The following DGKB variants were observed in gnomAD, a reference collection of about 807,000 sequenced individuals.
DGKB encodes diacylglycerol kinase beta.
A neutral mutation model predicts 114.3 loss-of-function variants in DGKB; 67 were observed. The observed-to-expected ratio is 0.59, with a 90% CI of 0.48 to 0.72. The LOEUF is 0.72. DGKB is among the 30% of genes least tolerant of loss of function. The pLI, the probability that DGKB is intolerant of heterozygous loss-of-function variation, is 0.00. For missense variants in DGKB, 907 were observed against 975.2 expected (o/e 0.93, Z 0.93); for synonymous variants, 398 against 323.1 (o/e 1.23, Z -2.49).
At chr7:14,963,086 G>C (rs1786954826) in intron 1 of DGKB, among the ~76,000 whole-genome samples, 1 of 151,992 alleles carries the variant, frequency 6.6e-6, no homozygotes, top group Non-Finnish European at 1.5e-5. Context: ...CAGTTTTCAG[G>C]CTCTCCCCTC....
chr7:14,429,132 C>A (rs936289704), intron 21 of DGKB, among the ~76,000 whole-genome samples: 4 of 152,028 alleles, frequency 2.6e-5, no homozygotes, highest in African/African-American at 9.7e-5. Flanking sequence ...ATTTTTGTTA[C>A]TGAGAAAATA....
At chr7:14,279,266 G>C (rs28841377) in intron 23 of DGKB, among the ~76,000 whole-genome samples, 18,398 of 152,074 alleles carry the variant, frequency 0.12, 3,195 homozygotes, top group African/African-American at 0.38. Flanking sequence ...TAGCACAGCA[G>C]TCTGAGATCA....
chr7:14,809,061 G>A (rs1843100195), intron 2 of DGKB, among the ~76,000 whole-genome samples: 3 of 152,196 alleles, frequency 2.0e-5, no homozygotes, highest in South Asian at 4.1e-4. Flanking sequence ...ATGAGAAAGT[G>A]ATAACTTTAA....
At chr7:14,662,221 A>T (rs554992741) in intron 13 of DGKB, among the ~76,000 whole-genome samples, 354 of 151,954 alleles carry the variant, frequency 2.3e-3, no homozygotes, top group African/African-American at 7.6e-3. Context: ...AAAAAAATAA[A>T]AATAAAAATA....
chr7:14,540,925 T>C (rs753918797), intron 20 of DGKB, among the ~76,000 whole-genome samples: 2 of 152,144 alleles, frequency 1.3e-5, no homozygotes, highest in South Asian at 2.1e-4. Flanking sequence ...ATTTATAGTA[T>C]GGTAGGATAT....
chr7:14,296,241 A>T (rs1802539619), intron 23 of DGKB, among the ~76,000 whole-genome samples: 2 of 151,882 alleles, frequency 1.3e-5, no homozygotes, highest in Admixed American at 1.3e-4. Flanking sequence ...CATGTTGGCC[A>T]GGATGGTCTC....
Position 14,380,052 on chromosome 7 carries a change from A to G in DGKB, c.1836-34661T>C, listed in dbSNP as rs374142995. 1.1e-3 allele frequency among the ~76,000 whole-genome samples: 166 copies of G among 152,292 alleles called. 5 individuals carry two copies. In the South Asian group the frequency reaches 0.033, roughly 31 times the overall value. ...AAGTGCTGGTGGAAACTCTATACTA[A>G]TAAGTGCTTGGCAATTATAGTTATG... On this transcript the variant is annotated intron_variant, in intron 21 of 25. Transcript: ENST00000402815.
intron 21 of DGKB, among the ~76,000 whole-genome samples, chr7:14,463,150 C>T (rs1833335944): frequency 6.6e-6 from 1 of 151,936 alleles, no homozygotes; most frequent in South Asian, 2.1e-4. Flanking sequence ...GAACAGAAAA[C>T]CAAACACCGC....
At chr7:14,849,633 G>C (rs936435916) in intron 1 of DGKB, among the ~76,000 whole-genome samples, 1 of 152,136 alleles carries the variant, frequency 6.6e-6, no homozygotes, top group Admixed American at 6.5e-5. Flanking sequence ...ACTGAGACAG[G>C]AGTCATTTCC....
chr7:14,931,507 A>G (rs1472701509), intron 1 of DGKB, among the ~76,000 whole-genome samples: 1 of 152,114 alleles, frequency 6.6e-6, no homozygotes, highest in Non-Finnish European at 1.5e-5. Context: ...TGGTTTTGGT[A>G]TCTAGATAGG....
In DGKB at chr7:14,176,586, T is replaced by A. The variant is rs188504075; in HGVS notation, c.2304+253A>T. ...TAGTTTATAATTGATCTATGGTTTA[T>A]AATTGATCTATTTAAAAGATCTATT... is the stretch of plus-strand genomic sequence containing the variant. On this transcript the variant is annotated intron_variant, in intron 25 of 25. Coordinates refer to ENST00000402815, the MANE Select transcript of DGKB (RefSeq NM_001350709.2). 3.3e-4 allele frequency: 386 copies of A among 1,174,234 alleles called. No homozygotes were observed. In the African/African-American group the frequency reaches 5.2e-3, roughly 16 times the overall value. 72.7% of individuals were successfully genotyped at this position (1,174,234 alleles called of 1,614,324 possible).
At chr7:14,885,464 G>T (rs563717096) in intron 1 of DGKB, among the ~76,000 whole-genome samples, 2 of 151,952 alleles carry the variant, frequency 1.3e-5, no homozygotes, top group Admixed American at 1.3e-4. Context: ...CTCCTGGAAA[G>T]ATGGAAGAAA....
intron 2 of DGKB, among the ~76,000 whole-genome samples, chr7:14,804,087 G>C (rs1198049484): frequency 6.6e-6 from 1 of 151,760 alleles, no homozygotes; most frequent in African/African-American, 2.4e-5. Context: ...GTGTGTGTGT[G>C]TGTGTGTGTG....
chr7:14,349,867 C>T (rs976903919), intron 21 of DGKB, among the ~76,000 whole-genome samples: 13 of 152,148 alleles, frequency 8.5e-5, no homozygotes, highest in African/African-American at 3.1e-4. Flanking sequence ...TAGCTTTGGA[C>T]TTTAAGAATA....
chr7:14,425,465 T>G (rs1827362523), intron 21 of DGKB, among the ~76,000 whole-genome samples: 1 of 152,132 alleles, frequency 6.6e-6, no homozygotes, highest in Non-Finnish European at 1.5e-5. Flanking sequence ...AATGCCATTT[T>G]CATACTGAAA....
intron 1 of DGKB, among the ~76,000 whole-genome samples, chr7:14,909,324 G>A (rs566785671): frequency 6.6e-6 from 1 of 152,166 alleles, no homozygotes; most frequent in South Asian, 2.1e-4. Flanking sequence ...CATAAAGAAA[G>A]ATGCTGAAAG....
At chr7:14,758,302 T>C (rs1835183073) in intron 2 of DGKB, among the ~76,000 whole-genome samples, 1 of 151,996 alleles carries the variant, frequency 6.6e-6, no homozygotes, top group Non-Finnish European at 1.5e-5. Context: ...TCTTATTAGT[T>C]GGTGACAAGA....
chr7:14,513,942 C>G (rs1403087530), intron 20 of DGKB, among the ~76,000 whole-genome samples: 5 of 151,884 alleles, frequency 3.3e-5, no homozygotes, highest in African/African-American at 1.2e-4. Context: ...TGCTTTTGGT[C>G]TACTGACATT....
intron 13 of DGKB, among the ~76,000 whole-genome samples, chr7:14,660,612 T>G (rs1420761264): frequency 1.3e-5 from 2 of 152,092 alleles, no homozygotes; most frequent in Non-Finnish European, 2.9e-5. Flanking sequence ...TCTCTCTTTT[T>G]TTCTTTATTA....
Sources: gnomAD v4.1 joint callset for allele counts (sites outside exome capture counted in the v4.1 genomes callset) on GRCh38, gnomAD v4.1.1 for gene constraint, MANE v1.5 for transcripts, NCBI Gene and HGNC (gene_info 2026-07-23, HGNC 2026-07-21) for gene names.